MYH16: variants seen among roughly 807,000 people sequenced by gnomAD.
MYH16 encodes the protein putative uncharacterized protein MYH16.
intron 19 of MYH16, among the ~76,000 whole-genome samples, 66 bp from the exon 1 acceptor site, chr7:99,272,773 A>G (rs994493228): frequency 8.6e-5 from 13 of 151,290 alleles, no homozygotes; most frequent in Admixed American, 3.3e-4. Context: ...GGTCCATCCC[A>G]GATGACCTGT....
chr7:99,249,538 C>CAAAAAA (rs1222006408), intron 4 of MYH16, among the ~76,000 whole-genome samples: 3 of 50,264 alleles, frequency 6.0e-5, no homozygotes, highest in African/African-American at 1.4e-4. Flanking sequence ...GACCCTCTCT[C>CAAAAAA]AAAAAAAAAA....
At chr7:99,255,281 T>A (rs964173444) in intron 8 of MYH16, among the ~76,000 whole-genome samples, 2 of 150,980 alleles carry the variant, frequency 1.3e-5, no homozygotes, top group Non-Finnish European at 1.5e-5. Context: ...AAAATTTTTT[T>A]AAAATAAATA....
At chr7:99,279,647 C>T in exon 22 of MYH16, 1 of 456,594 alleles carries the variant, frequency 2.2e-6, no homozygotes, top group South Asian at 1.5e-5. Context: ...TGAGTGCCGC[C>T]AAGCGCAAGT....
chr7:99,275,087 G>A (rs142669854), intron 20 of MYH16, among the ~76,000 whole-genome samples: 90 of 152,012 alleles, frequency 5.9e-4, no homozygotes, highest in African/African-American at 1.9e-3. Context: ...CTCTAACTCC[G>A]GGCTCAAGCG....
chr7:99,292,167 A>G, intron 31 of MYH16, 145 bp from the exon 13 acceptor site: 1 of 341,630 alleles, frequency 2.9e-6, no homozygotes, highest in South Asian at 2.2e-5. Flanking sequence ...GAAAATTAAA[A>G]CCCCGATGGT....
At chr7:99,310,002 A>C (rs1211020626), downstream of MYH16, among the ~76,000 whole-genome samples, 1 of 152,174 alleles carries the variant, frequency 6.6e-6, no homozygotes, top group African/African-American at 2.4e-5. Flanking sequence ...GGGCAACAAG[A>C]GTGAGAGTCC....
intron 13 of MYH16, among the ~76,000 whole-genome samples, chr7:99,263,032 A>G (rs1366376184): frequency 1.3e-5 from 2 of 152,208 alleles, no homozygotes; most frequent in Non-Finnish European, 2.9e-5. Context: ...CACACAGCCC[A>G]GGAGAGAGTA....
chr7:99,270,314 GA>G (rs200597541), intron 18 of MYH16, among the ~76,000 whole-genome samples: 7 of 143,524 alleles, frequency 4.9e-5, no homozygotes, highest in Non-Finnish European at 9.0e-5. Context: ...CCTCATCTCA[GA>G]AAAAAAAATT....
chr7:99,276,407 C>A (rs1448368117), intron 20 of MYH16, among the ~76,000 whole-genome samples: 1 of 152,254 alleles, frequency 6.6e-6, no homozygotes, highest in Non-Finnish European at 1.5e-5. Context: ...TCCCAGGGGA[C>A]CTGCCCCACC....
chr7:99,296,719 G>A (rs1381114362), exon 34 of MYH16: 1 of 456,036 alleles, frequency 2.2e-6, no homozygotes, highest in Non-Finnish European at 4.4e-6. Flanking sequence ...TGCAGCTGCT[G>A]CCCTGGACAA....
downstream of MYH16, among the ~76,000 whole-genome samples, chr7:99,310,243 G>A (rs185455038): frequency 3.0e-4 from 45 of 152,296 alleles, no homozygotes; most frequent in East Asian, 7.2e-3. Context: ...GCTGCAGCGC[G>A]GTGGGGGATG....
chr7:99,258,656 A>G (rs1448551824), intron 11 of MYH16, among the ~76,000 whole-genome samples: 1 of 152,064 alleles, frequency 6.6e-6, no homozygotes, highest in African/African-American at 2.4e-5. Context: ...GGCTAACAAG[A>G]GCTGATTGTG....
At chr7:99,302,122 G>T (rs1744397842) in intron 38 of MYH16, among the ~76,000 whole-genome samples, 1 of 151,906 alleles carries the variant, frequency 6.6e-6, no homozygotes, top group African/African-American at 2.4e-5. Context: ...TGGCCAACAT[G>T]ATGAAACCCC....
intron 25 of MYH16, among the ~76,000 whole-genome samples, chr7:99,284,347 T>G (rs902574112): frequency 1.3e-5 from 2 of 152,148 alleles, no homozygotes; most frequent in Admixed American, 6.5e-5. Context: ...TCCCAGCACT[T>G]TGGGATGCGA....
chr7:99,239,193 G>A (rs1791633116), intron 1 of MYH16, among the ~76,000 whole-genome samples: 1 of 152,200 alleles, frequency 6.6e-6, no homozygotes, highest in Admixed American at 6.5e-5. Flanking sequence ...CACTCAAGCT[G>A]TGTGGCCCTG....
intron 20 of MYH16, among the ~76,000 whole-genome samples, chr7:99,275,118 C>T (rs1431503745): frequency 6.6e-6 from 1 of 152,062 alleles, no homozygotes; most frequent in Non-Finnish European, 1.5e-5. Flanking sequence ...CTCAGCCTCC[C>T]GAATAGCTCA....
intron 6 of MYH16, among the ~76,000 whole-genome samples, chr7:99,252,083 G>A (rs1190399921): frequency 6.6e-6 from 1 of 152,204 alleles, no homozygotes; most frequent in African/African-American, 2.4e-5. Context: ...TGGAGGGGCT[G>A]GGAGGTCACC....
intron 11 of MYH16, among the ~76,000 whole-genome samples, chr7:99,259,390 G>GA (rs1791912477): frequency 6.6e-6 from 1 of 152,150 alleles, no homozygotes; most frequent in African/African-American, 2.4e-5. Flanking sequence ...AAGGTGGGGG[G>GA]ATCACTTGTG....
At chr7:99,300,258 C>G (rs1273159690) in intron 37 of MYH16, among the ~76,000 whole-genome samples, 1 of 152,178 alleles carries the variant, frequency 6.6e-6, no homozygotes, top group Non-Finnish European at 1.5e-5. Flanking sequence ...CCACGCCCAG[C>G]CCTGTCTTGA....
Sources: gnomAD v4.1 joint callset for allele counts (sites outside exome capture counted in the v4.1 genomes callset) on GRCh38, gnomAD v4.1.1 for gene constraint, MANE v1.5 for transcripts, NCBI Gene and HGNC (gene_info 2026-07-23, HGNC 2026-07-21) for gene names.